PPFIA2: variants seen among roughly 807,000 people sequenced by gnomAD.
PPFIA2 encodes liprin-alpha-2.
In PPFIA2, 46 loss-of-function variants were observed where a neutral mutation model predicts 175.5. The observed-to-expected ratio is 0.26, with a 90% CI of 0.21 to 0.34. PPFIA2 has a LOEUF of 0.34. PPFIA2 is among the 10% of genes least tolerant of loss of function. The pLI is 1.00. For synonymous variants in PPFIA2, 568 were observed against 511.4 expected, an observed-to-expected ratio of 1.11 and a Z score of -1.49; for missense variants, 1,179 against 1,506.1, an observed-to-expected ratio of 0.78 and a Z score of 3.60.
intron 4 of PPFIA2, among the ~76,000 whole-genome samples, chr12:81,583,031 T>A (rs2074654947): frequency 6.6e-6 from 1 of 151,900 alleles, no homozygotes; most frequent in African/African-American, 2.4e-5. Context: ...AAACCTTGAA[T>A]TCCTTGCCTC....
In PPFIA2 at chr12:81,456,743, AT is replaced by A. The variant is rs200813584; in HGVS notation, c.405+1021del. Among the ~76,000 whole-genome samples the A allele has an allele frequency of 2.5e-3, 384 of 151,866 alleles. 5 individuals carry two copies. In the East Asian group the frequency reaches 0.028, roughly 11 times the overall value. ...ATTTACATGTTTATAAAATTTAGTG[AT>A]TTTTTTTCTCAAAGAAAATATAGCA... On this transcript the variant is annotated intron_variant, in intron 5 of 32. Coordinates refer to ENST00000549396, the MANE Select transcript of PPFIA2 (RefSeq NM_003625.5).
chr12:81,338,265 G>A (rs1427714775), intron 21 of PPFIA2, among the ~76,000 whole-genome samples: 2 of 152,080 alleles, frequency 1.3e-5, no homozygotes, highest in African/African-American at 4.8e-5. Flanking sequence ...ACTTACCACT[G>A]TAGGTAGGAG....
At chr12:81,712,791 C>T (rs576316040) in intron 3 of PPFIA2, among the ~76,000 whole-genome samples, 8 of 149,714 alleles carry the variant, frequency 5.3e-5, no homozygotes, top group Non-Finnish European at 8.9e-5. Context: ...AAGACTCTTA[C>T]GCTTTCAATT....
intron 4 of PPFIA2, among the ~76,000 whole-genome samples, chr12:81,536,545 A>G (rs1464195424): frequency 6.6e-6 from 1 of 151,016 alleles, no homozygotes; most frequent in East Asian, 1.9e-4. Context: ...CAAAATTTTA[A>G]ATTTTATATT....
chr12:81,314,073 T>C (rs1045180498), intron 22 of PPFIA2, among the ~76,000 whole-genome samples: 6 of 151,914 alleles, frequency 3.9e-5, no homozygotes, highest in Non-Finnish European at 7.4e-5. Flanking sequence ...TTCTCTTCCA[T>C]AGTAAATAAA....
intron 4 of PPFIA2, among the ~76,000 whole-genome samples, chr12:81,500,254 C>A (rs1334691601): frequency 1.3e-5 from 2 of 152,108 alleles, no homozygotes; most frequent in South Asian, 2.1e-4. Context: ...GTCTCTCTGG[C>A]CCAAACTCTG....
rs544409875 is a variant in PPFIA2 at position 81,749,022 on chromosome 12, A to G, written c.249+4951T>C. 4.2e-5 allele frequency among the ~76,000 whole-genome samples: 6 copies of G among 144,408 alleles called. 1 individual carries two copies. Among genetic ancestry groups the G allele is most frequent in the Non-Finnish European group, 7.8e-5 (5 of 64,364 alleles). The allele number at this position is 144,408 out of a possible 152,430, so 94.7% of individuals were successfully genotyped here. A position where few individuals can be genotyped will look rare whatever the true frequency, so the allele number is the denominator to read the frequency against. The stretch of plus-strand genomic sequence containing the variant: ...AATCTTTTAAAACTAAACAAACAAG[A>G]TTCCCCAAAGAGTCTTCTTTGTACA... On this transcript the variant is annotated intron_variant, in intron 3 of 32. Transcript: ENST00000549396.
intron 3 of PPFIA2, among the ~76,000 whole-genome samples, chr12:81,693,805 C>G (rs2075556632): frequency 6.6e-6 from 1 of 152,022 alleles, no homozygotes; most frequent in Non-Finnish European, 1.5e-5. Context: ...TGGTAAGGTC[C>G]AGGTGTCAAG....
At chr12:81,725,136 C>A (rs917525609) in intron 3 of PPFIA2, among the ~76,000 whole-genome samples, 1 of 150,684 alleles carries the variant, frequency 6.6e-6, no homozygotes, top group African/African-American at 2.4e-5. Context: ...ATTAATTCAG[C>A]TTTTTTTCAG....
At chr12:81,757,951 G>A (rs997817172) in intron 2 of PPFIA2, among the ~76,000 whole-genome samples, 2 of 152,206 alleles carry the variant, frequency 1.3e-5, no homozygotes, top group African/African-American at 4.8e-5. Context: ...TTCAGTGAGA[G>A]AAATCCTAGC....
chr12:81,437,413 T>C (rs2049277009), intron 7 of PPFIA2, among the ~76,000 whole-genome samples: 1 of 152,150 alleles, frequency 6.6e-6, no homozygotes, highest in South Asian at 2.1e-4. Context: ...GTATTTTTAA[T>C]AGAGACAGGG....
chr12:81,444,371 A>T (rs1220073174), intron 6 of PPFIA2, among the ~76,000 whole-genome samples: 2 of 152,174 alleles, frequency 1.3e-5, no homozygotes, highest in Non-Finnish European at 2.9e-5. Context: ...ACACATACTA[A>T]AAATTCTATA....
intron 3 of PPFIA2, among the ~76,000 whole-genome samples, chr12:81,724,735 G>A (rs2079820347): frequency 1.3e-5 from 2 of 150,796 alleles, no homozygotes; most frequent in African/African-American, 4.9e-5. Flanking sequence ...ATCTATTGAT[G>A]GGCACTTAGA....
At chr12:81,427,758 T>C (rs369644064) in intron 7 of PPFIA2, among the ~76,000 whole-genome samples, 1 of 152,040 alleles carries the variant, frequency 6.6e-6, no homozygotes, top group Non-Finnish European at 1.5e-5. Context: ...ATAATAGCAA[T>C]ACAACTTCAG....
At chr12:81,676,546 G>T (rs1364833921) in intron 4 of PPFIA2, 1 of 276,984 alleles carries the variant, frequency 3.6e-6, no homozygotes, top group Non-Finnish European at 6.7e-6. Context: ...TTCTAATAAA[G>T]ATTTTATTCC....
chr12:81,347,623 G>A lies in PPFIA2; in HGVS notation c.2142C>T (p.Ala714=), dbSNP rs1438121106. ...ITASVTASSL[A]SSSPPSGHST... ...AGTGTCCACTGGGGGGAGATGAACT[G>A]GCCAGCGATGAAGCTGTAACAGAGG... Residue 714 remains alanine (A), a synonymous_variant, in exon 18 of 33, where the codon GCC becomes GCT. Transcript: ENST00000549396. The A allele has an allele frequency of 1.9e-6, 3 of 1,613,796 alleles. No individual in the cohort carries two copies. Among genetic ancestry groups the A allele is most frequent in the Non-Finnish European group, 2.5e-6 (3 of 1,179,778 alleles).
At chr12:81,420,654 G>A (rs1393106573) in intron 7 of PPFIA2, among the ~76,000 whole-genome samples, 1 of 151,854 alleles carries the variant, frequency 6.6e-6, no homozygotes, top group African/African-American at 2.4e-5. Flanking sequence ...AGGGAAGAAA[G>A]CCTATCATAT....
intron 3 of PPFIA2, among the ~76,000 whole-genome samples, chr12:81,693,677 C>T (rs562968373): frequency 5.9e-5 from 9 of 152,080 alleles, no homozygotes; most frequent in South Asian, 2.1e-4. Flanking sequence ...AACTGGGTAA[C>T]GGGCAGAGGT....
intron 7 of PPFIA2, among the ~76,000 whole-genome samples, chr12:81,420,579 G>A (rs577015631): frequency 1.4e-4 from 22 of 151,830 alleles, no homozygotes; most frequent in South Asian, 2.1e-4. Context: ...ACAGAAGAAA[G>A]AATCTAAAAA....
Sources: allele counts gnomAD v4.1 joint callset (sites outside exome capture counted in the v4.1 genomes callset), GRCh38; gene constraint gnomAD v4.1.1; transcripts MANE v1.5; gene names NCBI Gene and HGNC (gene_info 2026-07-23, HGNC 2026-07-21).